Variants in CNKSR3 observed in about 807,000 individuals in gnomAD.
CNKSR3 encodes the protein CNKSR family member 3, also known as connector enhancer of kinase suppressor of ras 3.
CNKSR3 carries 36 observed loss-of-function variants against 67.7 expected under a neutral mutation model. That is an observed-to-expected ratio of 0.53 (90% CI 0.41 to 0.70). The LOEUF (loss-of-function observed/expected upper bound fraction) is 0.70. CNKSR3 is among the 30% of genes least tolerant of loss of function. The probability of loss-of-function intolerance (pLI) is 0.00; values close to 1 mark genes in which losing one functional copy is unlikely to be tolerated. For synonymous variants in CNKSR3, 281 were observed against 271.4 expected (o/e 1.04, Z -0.35); for missense variants, 630 against 695.2 (o/e 0.91, Z 1.05).
At chr6:154,506,292 A>G (rs1388752670) in intron 1 of CNKSR3, among the ~76,000 whole-genome samples, 1 of 152,176 alleles carries the variant, frequency 6.6e-6, no homozygotes, top group Non-Finnish European at 1.5e-5. Flanking sequence ...AAGGAAAAGA[A>G]AGGAAAAGAG....
chr6:154,408,610 C>T (rs1174711923), intron 12 of CNKSR3, among the ~76,000 whole-genome samples: 1 of 152,182 alleles, frequency 6.6e-6, no homozygotes, highest in Non-Finnish European at 1.5e-5. Context: ...AGATGAGTGC[C>T]TGTCAGGGGC....
intron 1 of CNKSR3, among the ~76,000 whole-genome samples, chr6:154,470,187 CCTTTTTTTT>C (rs1562347549): frequency 2.5e-5 from 2 of 80,878 alleles, no homozygotes; most frequent in African/African-American, 5.5e-5. Flanking sequence ...TACTTTCTTT[CCTTTTTTTT>C]TTTTTTTTTT....
At chr6:154,454,096 C>CAT (rs1785896298) in intron 1 of CNKSR3, among the ~76,000 whole-genome samples, 1 of 85,010 alleles carries the variant, frequency 1.2e-5, no homozygotes, top group African/African-American at 4.4e-5. Flanking sequence ...CACACACACA[C>CAT]ACACACACAG....
At chr6:154,484,564 T>C (rs1489535361) in intron 1 of CNKSR3, among the ~76,000 whole-genome samples, 2 of 151,874 alleles carry the variant, frequency 1.3e-5, no homozygotes, top group Admixed American at 6.6e-5. Context: ...TAGCCGGGCA[T>C]GGTGGTGCAT....
At chr6:154,425,152 C>T (rs1371151260) in intron 7 of CNKSR3, among the ~76,000 whole-genome samples, 1 of 152,220 alleles carries the variant, frequency 6.6e-6, no homozygotes, top group African/African-American at 2.4e-5. Context: ...GCTTAACCTA[C>T]AGTTAAAGGC....
chr6:154,407,688 G>A (rs545583715), intron 12 of CNKSR3, among the ~76,000 whole-genome samples: 1 of 152,018 alleles, frequency 6.6e-6, no homozygotes, highest in Admixed American at 6.5e-5. Context: ...CTGAGACCAA[G>A]CAATCCACCT....
intron 9 of CNKSR3, among the ~76,000 whole-genome samples, chr6:154,415,501 G>A (rs1243959810): frequency 6.6e-6 from 1 of 152,142 alleles, no homozygotes; most frequent in African/African-American, 2.4e-5. Context: ...AAAGTGCTGG[G>A]ATTACAGGTG....
Position 154,510,255 on chromosome 6 carries a change from G to A in CNKSR3, c.-141C>T. The A allele has an allele frequency of 1.1e-6, 1 of 887,696 alleles. No homozygotes were observed. Among genetic ancestry groups the A allele is most frequent in the Non-Finnish European group, 1.8e-6 (1 of 568,824 alleles). 55.0% of individuals were successfully genotyped at this position (887,696 alleles called of 1,614,324 possible). On this transcript the variant is annotated 5_prime_UTR_variant, in exon 1 of 13. Coordinates refer to ENST00000607772, the MANE Select transcript of CNKSR3 (RefSeq NM_173515.4). ...GACTCCGTCAAGACTGCATGGCCGC[G>A]GTCAGCCAGTCGTCCCAGCGCGGCT... is the stretch of plus-strand genomic sequence containing the variant.
chr6:154,419,034 T>TC (rs1236436193), intron 9 of CNKSR3, among the ~76,000 whole-genome samples: 1 of 145,382 alleles, frequency 6.9e-6, no homozygotes, highest in East Asian at 2.0e-4. Flanking sequence ...CTCTCTTGCT[T>TC]TTTTTTTTTT....
chr6:154,441,589 C>G (rs1785588244), intron 3 of CNKSR3, among the ~76,000 whole-genome samples: 1 of 152,094 alleles, frequency 6.6e-6, no homozygotes, highest in African/African-American at 2.4e-5. Flanking sequence ...GTTCAAGCAA[C>G]TCTCCTGCCT....
chr6:154,468,469 T>C (rs1786257338), intron 1 of CNKSR3, among the ~76,000 whole-genome samples: 1 of 151,560 alleles, frequency 6.6e-6, no homozygotes, highest in Admixed American at 6.6e-5. Flanking sequence ...CACCTTTGTA[T>C]CACAGTCACT....
chr6:154,509,846 C>A (rs1787178415), intron 1 of CNKSR3, among the ~76,000 whole-genome samples: 1 of 152,200 alleles, frequency 6.6e-6, no homozygotes, highest in African/African-American at 2.4e-5. Context: ...ATAGGGCTCC[C>A]CTCGGCTTGC....
intron 9 of CNKSR3, among the ~76,000 whole-genome samples, chr6:154,421,941 T>C (rs1785152393): frequency 6.6e-6 from 1 of 152,008 alleles, no homozygotes; most frequent in Non-Finnish European, 1.5e-5. Context: ...GCACCTGAAA[T>C]GTAGCCAGTG....
intron 1 of CNKSR3, among the ~76,000 whole-genome samples, chr6:154,483,196 C>A (rs928863853): frequency 1.3e-5 from 2 of 152,210 alleles, no homozygotes; most frequent in African/African-American, 4.8e-5. Context: ...CACACCTAGG[C>A]CACTGAGCCT....
intron 1 of CNKSR3, among the ~76,000 whole-genome samples, chr6:154,456,373 A>G (rs896287419): frequency 2.7e-5 from 4 of 150,404 alleles, no homozygotes; most frequent in African/African-American, 9.8e-5. Flanking sequence ...AAGCTTGTAG[A>G]CTCTCATCTC....
At chr6:154,448,105 A>G (rs1337320500) in intron 2 of CNKSR3, among the ~76,000 whole-genome samples, 1 of 152,132 alleles carries the variant, frequency 6.6e-6, no homozygotes, top group African/African-American at 2.4e-5. Context: ...GGAAATTAGA[A>G]GGAAATTGTA....
chr6:154,410,194 T>A (rs1293967726), intron 12 of CNKSR3, 149 bp downstream of exon 12: 3 of 574,010 alleles, frequency 5.2e-6, no homozygotes, highest in African/African-American at 1.9e-5. Flanking sequence ...TCTTCAGCAG[T>A]CCTAATTTTA....
chr6:154,475,482 A>G (rs1016896599), intron 1 of CNKSR3, among the ~76,000 whole-genome samples: 1 of 152,036 alleles, frequency 6.6e-6, no homozygotes, highest in South Asian at 2.1e-4. Context: ...TGTCCTCCCT[A>G]CCCACCGGCA....
chr6:154,499,395 T>C (rs2114657523), intron 1 of CNKSR3, among the ~76,000 whole-genome samples: 1 of 152,320 alleles, frequency 6.6e-6, no homozygotes, highest in African/African-American at 2.4e-5. Flanking sequence ...GTCTGTTAGC[T>C]TCCTGGATCC....
Sources: gnomAD v4.1 joint callset for allele counts (sites outside exome capture counted in the v4.1 genomes callset) on GRCh38, gnomAD v4.1.1 for gene constraint, MANE v1.5 for transcripts, NCBI Gene and HGNC (gene_info 2026-07-23, HGNC 2026-07-21) for gene names.